The following DNER variants were observed in gnomAD, a reference collection of about 807,000 sequenced individuals.
DNER encodes the protein delta and Notch-like epidermal growth factor-related receptor.
In DNER, 33 loss-of-function variants were observed where a neutral mutation model predicts 78.2. The ratio of observed to expected loss-of-function variants is 0.42; its 90% CI spans 0.32 to 0.56. DNER has a LOEUF of 0.56. DNER is among the 20% of genes least tolerant of loss of function. DNER has a pLI of 0.11. For missense variants in DNER, 918 were observed against 975.3 expected (o/e 0.94, Z 0.78); for synonymous variants, 417 against 384.8 (o/e 1.08, Z -0.98).
chr2:229,418,294 C>G (rs1693692780), intron 8 of DNER, 64 bp from the exon 9 acceptor site: 1 of 1,605,104 alleles, frequency 6.2e-7, no homozygotes, highest in Non-Finnish European at 8.5e-7. Context: ...GCGGGACCAG[C>G]CTGCAAGGAA....
At chr2:229,482,404 A>T (rs921771823) in intron 6 of DNER, among the ~76,000 whole-genome samples, 1 of 152,132 alleles carries the variant, frequency 6.6e-6, no homozygotes, top group Non-Finnish European at 1.5e-5. Context: ...AAACCCTCCA[A>T]TGGCTTCCCA....
chr2:229,687,724 T>C (rs769641150), intron 1 of DNER, among the ~76,000 whole-genome samples: 5 of 152,218 alleles, frequency 3.3e-5, no homozygotes, highest in Non-Finnish European at 5.9e-5. Flanking sequence ...CTTCAAGAAG[T>C]ATATTTTTAA....
At chr2:229,453,704 T>A (rs780703964) in intron 7 of DNER, among the ~76,000 whole-genome samples, 2 of 152,090 alleles carry the variant, frequency 1.3e-5, no homozygotes, top group African/African-American at 2.4e-5. Flanking sequence ...CCTTTCTGCC[T>A]CCTCCATAAG....
chr2:229,359,951 A>G (rs1207231612), intron 12 of DNER, among the ~76,000 whole-genome samples: 5 of 152,250 alleles, frequency 3.3e-5, no homozygotes, highest in African/African-American at 1.2e-4. Flanking sequence ...TATTACTGCA[A>G]TATGACAAAA....
chr2:229,710,983 GCACA>G (rs34720917), intron 1 of DNER, among the ~76,000 whole-genome samples: 258 of 139,796 alleles, frequency 1.8e-3, no homozygotes, highest in South Asian at 0.01. Context: ...GCATACACGC[GCACA>G]CACACACACA....
intron 7 of DNER, among the ~76,000 whole-genome samples, chr2:229,455,612 A>G (rs892524428): frequency 6.6e-6 from 1 of 152,060 alleles, no homozygotes; most frequent in Non-Finnish European, 1.5e-5. Context: ...ACGAACAGTT[A>G]CTGGGCCATG....
At chr2:229,564,506 A>T (rs1289649043) in intron 4 of DNER, among the ~76,000 whole-genome samples, 2 of 149,018 alleles carry the variant, frequency 1.3e-5, no homozygotes, top group African/African-American at 5.0e-5. Flanking sequence ...CATCACCATC[A>T]TCATCATCCT....
At chr2:229,469,002 A>C (rs1055556244) in intron 7 of DNER, among the ~76,000 whole-genome samples, 6 of 152,184 alleles carry the variant, frequency 3.9e-5, no homozygotes, top group Non-Finnish European at 8.8e-5. Flanking sequence ...CTAGCCAGTG[A>C]GATTTGCACA....
At chr2:229,668,913 A>T (rs1699158968) in intron 1 of DNER, among the ~76,000 whole-genome samples, 1 of 152,066 alleles carries the variant, frequency 6.6e-6, no homozygotes, top group African/African-American at 2.4e-5. Context: ...ATAAAGACAT[A>T]TGCACACCTA....
At chr2:229,456,660 C>A (rs909888671) in intron 7 of DNER, among the ~76,000 whole-genome samples, 1 of 151,960 alleles carries the variant, frequency 6.6e-6, no homozygotes, top group Non-Finnish European at 1.5e-5. Context: ...GTGAAAATGT[C>A]CTGAAGTCAC....
rs1278148489 is a variant in DNER, at chr2:229,663,691, C to T, written c.276+50457G>A. Among the ~76,000 whole-genome samples the T allele has an allele frequency of 5.9e-4, 90 of 152,162 alleles. 1 individual carries two copies. The highest frequency in any genetic ancestry group is 1.5e-5 in the Non-Finnish European group (1 of 68,034). ...TTATCCAGCATCTTCACTAATGCAT[C>T]CAGCAGATTAACTGGAAATATGGCA... On this transcript the variant is annotated intron_variant, in intron 1 of 12. Coordinates refer to ENST00000341772, the MANE Select transcript of DNER (RefSeq NM_139072.4).
chr2:229,700,284 A>ATGTGTGTGTGCATG (rs746705367), intron 1 of DNER, among the ~76,000 whole-genome samples: 1,576 of 36,544 alleles, frequency 0.043, 25 homozygotes, highest in African/African-American at 0.092. Flanking sequence ...ATGTCAATAT[A>ATGTGTGTGTGCATG]TGTGTGTGTG....
At chr2:229,662,725 G>C (rs1469848567) in intron 1 of DNER, among the ~76,000 whole-genome samples, 2 of 152,124 alleles carry the variant, frequency 1.3e-5, no homozygotes, top group Admixed American at 6.6e-5. Flanking sequence ...GACACACCAG[G>C]CTCATCAGGT....
chr2:229,713,148 T>C (rs369007629), intron 1 of DNER, among the ~76,000 whole-genome samples: 3 of 152,154 alleles, frequency 2.0e-5, no homozygotes, highest in African/African-American at 4.8e-5. Context: ...ATTCATGTGG[T>C]TTAATGTAAT....
chr2:229,531,898 C>G (rs960446232), intron 5 of DNER, among the ~76,000 whole-genome samples: 3 of 152,090 alleles, frequency 2.0e-5, no homozygotes, highest in Non-Finnish European at 4.4e-5. Flanking sequence ...AAGAAGCAGA[C>G]ACAAAAGGTC....
At position 229,503,347 on chromosome 2, in the gene DNER, C is replaced by T. The variant is rs142373250; in HGVS notation, c.1147+9436G>A. On this transcript the variant is annotated intron_variant, in intron 6 of 12. Coordinates refer to ENST00000341772, the MANE Select transcript of DNER (RefSeq NM_139072.4). ...GCCCTTGCTGGACTAGCATTGTTACCAGCAGTCTGGACCAGCAGAGTGGCC... is the reference window on the plus strand; with the variant it reads ...GCCCTTGCTGGACTAGCATTGTTACTAGCAGTCTGGACCAGCAGAGTGGCC... 3.5e-3 allele frequency among the ~76,000 whole-genome samples: 540 copies of T among 152,308 alleles called. 1 individual carries two copies. Among genetic ancestry groups the T allele is most frequent in the African/African-American group, 0.013 (523 of 41,560 alleles).
intron 12 of DNER, among the ~76,000 whole-genome samples, chr2:229,362,001 T>C (rs1393984797): frequency 6.6e-6 from 1 of 152,128 alleles, no homozygotes; most frequent in Non-Finnish European, 1.5e-5. Context: ...ACCATGACAC[T>C]TGGGAAATGT....
At chr2:229,434,363 C>T (rs1178660883) in intron 8 of DNER, among the ~76,000 whole-genome samples, 1 of 152,214 alleles carries the variant, frequency 6.6e-6, no homozygotes, top group Non-Finnish European at 1.5e-5. Flanking sequence ...TTTAGAAGCA[C>T]ACACCTTCCA....
At chr2:229,699,825 T>C (rs984659509) in intron 1 of DNER, among the ~76,000 whole-genome samples, 4 of 152,214 alleles carry the variant, frequency 2.6e-5, no homozygotes, top group Admixed American at 2.6e-4. Flanking sequence ...TAATTAAAAT[T>C]GATCAGCTTC....
Sources: gnomAD v4.1 joint callset for allele counts (sites outside exome capture counted in the v4.1 genomes callset) on GRCh38, gnomAD v4.1.1 for gene constraint, MANE v1.5 for transcripts, NCBI Gene and HGNC (gene_info 2026-07-23, HGNC 2026-07-21) for gene names.